SHC2: variants seen among roughly 807,000 people sequenced by gnomAD.
The protein encoded by SHC2 is SHC-transforming protein 2.
SHC2 carries 62 observed loss-of-function variants against 60.6 expected under a neutral mutation model. The observed-to-expected ratio is 1.02, with a 90% confidence interval of 0.83 to 1.26. SHC2 has a LOEUF of 1.26. Among genes scored for constraint, SHC2 ranks in the 50% most tolerant of loss-of-function variants. SHC2 has a pLI of 0.00. For synonymous variants in SHC2, 375 were observed against 372.4 expected (o/e 1.01, Z -0.08); for missense variants, 873 against 822.2 (o/e 1.06, Z -0.76).
At position 425,385 on chromosome 19, in the gene SHC2, C is replaced by A. The variant is rs1346904964; in HGVS notation, c.1175-154G>T. Reference sequence around the variant, plus strand: ...CTCTGGTCTCCCTGTGGTAACCCGCCCGTCTGCAGGTGCCACAGGGAGCAT... The same window carrying A: ...CTCTGGTCTCCCTGTGGTAACCCGCACGTCTGCAGGTGCCACAGGGAGCAT... On this transcript the variant is annotated intron_variant, in intron 9 of 12. Transcript: ENST00000264554. This position sits in a 1 kb window ranked among gnomAD's most constrained non-coding sequence, Gnocchi z 4.1. Among the ~76,000 whole-genome samples, 1 of 152,212 alleles carries A rather than the reference C, an allele frequency of 6.6e-6. No homozygotes were observed. The highest frequency in any genetic ancestry group is 1.5e-5 in the Non-Finnish European group (1 of 68,022).
chr19:454,557 C>T (rs1054794340), intron 1 of SHC2, among the ~76,000 whole-genome samples: 9 of 152,296 alleles, frequency 5.9e-5, no homozygotes, highest in South Asian at 2.1e-4. Context: ...GAGGCGCAGG[C>T]GGGCGGATCA....
At chr19:459,328 G>C (rs973100160) in intron 1 of SHC2, among the ~76,000 whole-genome samples, 3 of 131,446 alleles carry the variant, frequency 2.3e-5, no homozygotes. Flanking sequence ...ACTGAACCCA[G>C]CGTAGGGGGA....
At chr19:439,487 A>C (rs1403137517) in intron 2 of SHC2, 1 of 202,858 alleles carries the variant, frequency 4.9e-6, no homozygotes, top group Non-Finnish European at 1.0e-5. Context: ...GAGTGGTGGC[A>C]GGAGCTGACC....
At chr19:450,178 G>C (rs540672282) in intron 1 of SHC2, among the ~76,000 whole-genome samples, 3 of 152,020 alleles carry the variant, frequency 2.0e-5, no homozygotes, top group East Asian at 1.9e-4. Flanking sequence ...GCTACAGGAG[G>C]GGGGGGACTC....
rs1205944239 is a variant in SHC2 at position 446,881 on chromosome 19, GT to G, written c.469-5950del. On this transcript the variant is annotated intron_variant, in intron 1 of 12. Transcript: ENST00000264554. This position sits in a 1 kb window ranked among gnomAD's most constrained non-coding sequence, Gnocchi z 5.4. Reference sequence around the variant, plus strand: ...CAGGCCAGGGCAGATACAAGCCGAGGTCCCCATGTCTGCACTCCCAGCCTGG... The same window carrying G: ...CAGGCCAGGGCAGATACAAGCCGAGGCCCCATGTCTGCACTCCCAGCCTGG... Among the ~76,000 whole-genome samples, 2 of 152,064 alleles carry G rather than the reference GT, an allele frequency of 1.3e-5. No individual in the cohort carries two copies. Among genetic ancestry groups the G allele is most frequent in the East Asian group, 3.9e-4 (2 of 5,178 alleles).
At chr19:435,797 C>A in intron 7 of SHC2, 1 of 223,638 alleles carries the variant, frequency 4.5e-6, no homozygotes, top group Non-Finnish European at 9.0e-6. Context: ...GTTACCAGCA[C>A]ACAGACACGT....
intron 11 of SHC2, chr19:419,979 C>G (rs139909251): frequency 6.6e-6 from 1 of 152,112 alleles, no homozygotes; most frequent in Non-Finnish European, 1.5e-5. Flanking sequence ...ACTTCACGTG[C>G]GGAACAGGGA....
intron 1 of SHC2, among the ~76,000 whole-genome samples, chr19:447,608 G>A (rs1244311263): frequency 1.3e-5 from 2 of 152,092 alleles, no homozygotes; most frequent in East Asian, 1.9e-4. Context: ...GTGAAACCCC[G>A]TCTCTACTAA....
chr19:418,515 T>A (rs545930657), intron 12 of SHC2, among the ~76,000 whole-genome samples: 36 of 152,258 alleles, frequency 2.4e-4, no homozygotes, highest in African/African-American at 5.1e-4. Context: ...AGCGGGACAT[T>A]ATCCAGCCGA....
intron 11 of SHC2, 187 bp from the exon 12 acceptor site, chr19:419,243 G>C (rs544556902): frequency 1.6e-6 from 1 of 641,842 alleles, no homozygotes; most frequent in African/African-American, 1.8e-5. Context: ...CCATGGGCAC[G>C]GGCTCTGAAA....
chr19:418,889 G>A (rs576222743), intron 12 of SHC2, 34 bp downstream of exon 12: 3 of 1,566,152 alleles, frequency 1.9e-6, no homozygotes, highest in Non-Finnish European at 2.6e-6. Flanking sequence ...GGCAAAGGAG[G>A]CAAGGCCAGC....
intron 1 of SHC2, among the ~76,000 whole-genome samples, chr19:450,120 G>A (rs4919868): frequency 0.18 from 27,774 of 152,106 alleles, 2,778 homozygotes; most frequent in Middle Eastern, 0.24. Context: ...GGGGTGCCGC[G>A]GAAATGTGGG....
rs1000683901 is a variant in SHC2 at position 439,235 on chromosome 19, G to T, written c.540-205C>A. 1.2e-5 allele frequency: 7 copies of T among 565,072 alleles called. No individual in the cohort carries two copies. In the African/African-American group the frequency reaches 1.3e-4, roughly 11 times the overall value. The allele number at this position is 565,072 out of a possible 1,614,324, so 35.0% of individuals were successfully genotyped here. On this transcript the variant is annotated intron_variant, in intron 2 of 12. Transcript: ENST00000264554. ...GGGCAGGGAGGGGGCTGGGGAACCT[G>T]GGGGAGGAGTGCCCCACAGGACAGG...
At chr19:426,259 T>G (rs1232627347) in intron 9 of SHC2, among the ~76,000 whole-genome samples, 1 of 152,186 alleles carries the variant, frequency 6.6e-6, no homozygotes. Flanking sequence ...GCCTTCCCAG[T>G]CTACCAAGAG....
intron 9 of SHC2, among the ~76,000 whole-genome samples, chr19:428,806 A>AC (rs1327137073): frequency 1.3e-5 from 2 of 152,046 alleles, no homozygotes; most frequent in Non-Finnish European, 2.9e-5. Flanking sequence ...CAGTATCTAC[A>AC]CCCAACGTGC....
rs1397191069 is a variant in SHC2, at chr19:425,614, T to G, written c.1175-383A>C. 1.3e-5 allele frequency among the ~76,000 whole-genome samples: 2 copies of G among 152,256 alleles called. No individual in the cohort carries two copies. Among genetic ancestry groups the G allele is most frequent in the Non-Finnish European group, 2.9e-5 (2 of 68,042 alleles). ...TCTCCACATTTAAAAATAATCACAG[T>G]AACTCTGCTTCCCTGTAATTATGCT... On this transcript the variant is annotated intron_variant, in intron 9 of 12. Transcript: ENST00000264554. This position sits in a 1 kb window ranked among gnomAD's most constrained non-coding sequence, Gnocchi z 4.1.
chr19:428,202 G>A (rs914294047), intron 9 of SHC2, among the ~76,000 whole-genome samples: 8 of 152,216 alleles, frequency 5.3e-5, no homozygotes, highest in South Asian at 4.1e-4. Context: ...TCCAACCTGG[G>A]CGACAAAGCA....
rs770094249 is a variant in SHC2, at chr19:422,338, G to A, written c.1428C>T (p.Ala476=). ...CCTGACGCAGCTGTTCCTCCGTGGG[G>A]GCCACAGGGGCCCGGCGGGTAGGGG... ...PSPPTRRAPV[A]PTEEQLRQEP... Residue 476 remains alanine, a synonymous_variant, in exon 11 of 13, where the codon GCC becomes GCT. Transcript: ENST00000264554. The surrounding 1 kb of genome is among the most constrained non-coding windows in gnomAD (Gnocchi z 5.0). The A allele has an allele frequency of 4.3e-6, 7 of 1,609,476 alleles. No homozygotes were observed. Among genetic ancestry groups the A allele is most frequent in the Non-Finnish European group, 5.9e-6 (7 of 1,178,590 alleles).
At chr19:460,499 G>T (rs1225799882) in intron 1 of SHC2, 30 bp downstream of exon 1, 11 of 1,123,288 alleles carry the variant, frequency 9.8e-6, no homozygotes, top group East Asian at 4.7e-5. Context: ...CGCCGCGAAC[G>T]GGCTCCCGGG....
Sources: gnomAD v4.1 joint callset for allele counts (sites outside exome capture counted in the v4.1 genomes callset) on GRCh38, gnomAD v4.1.1 for gene constraint, Gnocchi (gnomAD v3.1) non-coding constraint, MANE v1.5 for transcripts, NCBI Gene and HGNC (gene_info 2026-07-23, HGNC 2026-07-21) for gene names.